Variants in PLA2G5 observed in about 807,000 individuals in gnomAD.
PLA2G5 encodes the protein Ca2+-dependent phospholipase A2.
PLA2G5 carries 12 observed loss-of-function variants against 15.9 expected under a neutral mutation model. The ratio of observed to expected loss-of-function variants is 0.76; its 90% confidence interval spans 0.48 to 1.23. The LOEUF is 1.23. Ranked by LOEUF, PLA2G5 falls within the 50% of genes most tolerant of loss-of-function variation. The probability of loss-of-function intolerance (pLI) is 0.00; values close to 1 mark genes in which losing one functional copy is unlikely to be tolerated. For synonymous variants in PLA2G5, 71 were observed against 71.4 expected, an observed-to-expected ratio of 0.99 and a Z score of 0.03; for missense variants, 169 against 177.1, an observed-to-expected ratio of 0.95 and a Z score of 0.26.
At chr1:20,065,806 T>A (rs1349465991), upstream of PLA2G5, among the ~76,000 whole-genome samples, 6 of 152,208 alleles carry the variant, frequency 3.9e-5, no homozygotes, top group Non-Finnish European at 7.3e-5. Flanking sequence ...AGGAGTACAA[T>A]TGCTGGATTG....
At chr1:20,043,863 A>G (rs1404404228) in intron 1 of PLA2G5, among the ~76,000 whole-genome samples, 2 of 152,146 alleles carry the variant, frequency 1.3e-5, no homozygotes, top group East Asian at 3.9e-4. Context: ...CAGGGGACGG[A>G]CTTACCCTCC....
upstream of PLA2G5, among the ~76,000 whole-genome samples, chr1:20,069,663 AAAAGAAAGAAAGAAAGAAAGAAAGAAAG>A (rs57068796): frequency 4.8e-4 from 69 of 142,602 alleles, 1 homozygote; most frequent in African/African-American, 1.4e-3. Flanking sequence ...CTCAGCTCAG[AAAAGAAAGAAAGAAAGAAAGAAAGAAAG>A]AAAGAAAGAA....
chr1:20,086,038 G>A (rs1007282062), intron 2 of PLA2G5, 45 bp from the exon 3 acceptor site: 2 of 1,609,988 alleles, frequency 1.2e-6, no homozygotes, highest in Non-Finnish European at 1.7e-6. Context: ...CTAAAGCAGG[G>A]CTGGGCTGCC....
At chr1:20,045,885 C>G (rs972165023) in intron 1 of PLA2G5, among the ~76,000 whole-genome samples, 2 of 152,212 alleles carry the variant, frequency 1.3e-5, no homozygotes, top group Non-Finnish European at 2.9e-5. Flanking sequence ...GCGTGTGACA[C>G]AGAGAATCTC....
chr1:20,057,530 G>A (rs574628553), intron 1 of PLA2G5, among the ~76,000 whole-genome samples: 13 of 151,852 alleles, frequency 8.6e-5, no homozygotes, highest in South Asian at 2.1e-4. Flanking sequence ...AAAGAGTCTC[G>A]CTCTGTCACC....
intron 1 of PLA2G5, among the ~76,000 whole-genome samples, chr1:20,080,900 CA>C (rs969526890): frequency 2.6e-5 from 4 of 151,990 alleles, no homozygotes; most frequent in African/African-American, 9.7e-5. Context: ...CCCCCTTGGT[CA>C]GGGGAGCAGG....
intron 1 of PLA2G5, among the ~76,000 whole-genome samples, chr1:20,084,481 A>G (rs1377871292): frequency 6.6e-6 from 1 of 152,132 alleles, no homozygotes. Flanking sequence ...TTCTCCACGT[A>G]TGCCACCAAA....
intron 1 of PLA2G5, among the ~76,000 whole-genome samples, chr1:20,080,860 G>A (rs1242192599): frequency 2.0e-5 from 3 of 151,866 alleles, no homozygotes; most frequent in East Asian, 1.9e-4. Context: ...GAGCAGGGCC[G>A]AGAGAGGGGC....
chr1:20,075,135 T>C (rs2015597843), intron 1 of PLA2G5, among the ~76,000 whole-genome samples: 2 of 152,228 alleles, frequency 1.3e-5, no homozygotes, highest in South Asian at 4.1e-4. Context: ...ACCCACCCTG[T>C]CCTTGTGCAG....
intron 3 of PLA2G5, among the ~76,000 whole-genome samples, chr1:20,087,700 G>C (rs1002345010): frequency 3.3e-5 from 5 of 151,948 alleles, no homozygotes; most frequent in Non-Finnish European, 5.9e-5. Context: ...ATATATACAG[G>C]GTTCCTTGAA....
At chr1:20,068,034 G>C (rs1055334462), upstream of PLA2G5, among the ~76,000 whole-genome samples, 1 of 151,428 alleles carries the variant, frequency 6.6e-6, no homozygotes, top group Non-Finnish European at 1.5e-5. Context: ...CAGCAGAATC[G>C]CTTGAACCTG....
chr1:20,047,070 T>G (rs1220182604), intron 1 of PLA2G5, among the ~76,000 whole-genome samples: 1 of 151,812 alleles, frequency 6.6e-6, no homozygotes, highest in Admixed American at 6.6e-5. Context: ...CTTGTGGGAG[T>G]GTCTGGGGGT....
rs781530716 is a variant in PLA2G5, at chr1:20,084,897, A to C, written c.40+27A>C. 7.8e-6 allele frequency: 12 copies of C among 1,543,572 alleles called. No homozygotes were observed. The East Asian group carries it at 1.6e-4, about 20-fold the overall frequency. On this transcript the variant is annotated intron_variant, in intron 2 of 4. Coordinates refer to ENST00000375108, the MANE Select transcript of PLA2G5 (RefSeq NM_000929.3). ...TAAGTGCTGGCCCCGTGACCTTCGA[A>C]TGAACTTTTACCCCATGGGAGTAAC...
At chr1:20,046,840 T>C in intron 1 of PLA2G5, among the ~76,000 whole-genome samples, 1 of 152,220 alleles carries the variant, frequency 6.6e-6, no homozygotes. Flanking sequence ...CCTAGGAAGT[T>C]GTTGTTTAAG....
At chr1:20,062,828 A>G (rs887870014) in intron 2 of PLA2G5, among the ~76,000 whole-genome samples, 1 of 152,290 alleles carries the variant, frequency 6.6e-6, no homozygotes, top group East Asian at 1.9e-4. Context: ...GACACCAGGT[A>G]GTAAGGCAGC....
chr1:20,047,534 G>A (rs1419767127), intron 1 of PLA2G5, among the ~76,000 whole-genome samples: 5 of 152,108 alleles, frequency 3.3e-5, no homozygotes, highest in Non-Finnish European at 7.4e-5. Context: ...AGGTCAACCT[G>A]CAAAGTATAG....
intron 1 of PLA2G5, among the ~76,000 whole-genome samples, chr1:20,078,779 A>G (rs2015838066): frequency 6.6e-6 from 1 of 152,016 alleles, no homozygotes; most frequent in African/African-American, 2.4e-5. Context: ...GGGAGAGAAA[A>G]AGAAGTCAAC....
intron 1 of PLA2G5, among the ~76,000 whole-genome samples, chr1:20,042,745 A>AG (rs2013679280): frequency 6.6e-6 from 1 of 152,118 alleles, no homozygotes; most frequent in Non-Finnish European, 1.5e-5. Flanking sequence ...ACTTTGTAGA[A>AG]GGGGTTGGGG....
At chr1:20,065,044 T>C (rs929700461) in intron 2 of PLA2G5, among the ~76,000 whole-genome samples, 6 of 152,218 alleles carry the variant, frequency 3.9e-5, no homozygotes, top group Non-Finnish European at 8.8e-5. Flanking sequence ...GTATTTACCA[T>C]GCTTGCATTG....
Sources: gnomAD v4.1 joint callset for allele counts (sites outside exome capture counted in the v4.1 genomes callset) on GRCh38, gnomAD v4.1.1 for gene constraint, MANE v1.5 for transcripts, NCBI Gene and HGNC (gene_info 2026-07-23, HGNC 2026-07-21) for gene names.